The following TENM3 variants were observed in gnomAD, a reference collection of about 807,000 sequenced individuals.
TENM3 encodes teneurin-3.
A neutral mutation model predicts 255.1 loss-of-function variants in TENM3; 63 were observed. The ratio of observed to expected loss-of-function variants is 0.25; its 90% CI spans 0.20 to 0.30. The LOEUF is 0.30. TENM3 is among the 10% of genes least tolerant of loss of function. The pLI, the probability that TENM3 is intolerant of heterozygous loss-of-function variation, is 1.00. For missense variants in TENM3, 2,929 were observed against 3,461.1 expected, an observed-to-expected ratio of 0.85 and a Z score of 3.86; for synonymous variants, 1,306 against 1,322.3, an observed-to-expected ratio of 0.99 and a Z score of 0.27.
chr4:182,032,958 G>C, the TENM3 span, among the ~76,000 whole-genome samples: 1 of 150,190 alleles, frequency 6.7e-6, no homozygotes, highest in East Asian at 1.9e-4. Flanking sequence ...TCTAGCTAGA[G>C]TTCTATCTAT....
intron 1 of TENM3, among the ~76,000 whole-genome samples, chr4:182,200,470 A>G (rs17307378): frequency 0.054 from 8,259 of 152,294 alleles, 262 homozygotes; most frequent in Non-Finnish European, 0.069. Flanking sequence ...AGCTGGAATT[A>G]TTTTTAAAGT....
chr4:181,775,473 C>A, the TENM3 span, among the ~76,000 whole-genome samples: 1 of 151,996 alleles, frequency 6.6e-6, no homozygotes, highest in Non-Finnish European at 1.5e-5. Flanking sequence ...TGGTTGATAT[C>A]TTTTTGGATT....
rs76921744 is a variant in TENM3, at chr4:182,271,524, C to G, written c.-76+28048C>G. ...TTGTCACAGAAGAAGGGGACATGTCCTTGAAAATTATTTTGCCTAGTTTTC... is the reference window on the plus strand; with the variant it reads ...TTGTCACAGAAGAAGGGGACATGTCGTTGAAAATTATTTTGCCTAGTTTTC... On this transcript the variant is annotated intron_variant, in intron 1 of 27. Transcript: ENST00000511685. Among the ~76,000 whole-genome samples, 1,505 of 152,206 alleles carry G rather than the reference C, an allele frequency of 9.9e-3. 21 individuals are homozygous for G. The highest frequency in any genetic ancestry group is 0.034 in the African/African-American group (1,393 of 41,516).
At chr4:182,419,595 C>T (rs1405665220) in intron 3 of TENM3, among the ~76,000 whole-genome samples, 1 of 152,082 alleles carries the variant, frequency 6.6e-6, no homozygotes, top group Non-Finnish European at 1.5e-5. Context: ...GCACTATTCA[C>T]AATAGCAAAG....
At chr4:181,668,257 T>G in the TENM3 span, among the ~76,000 whole-genome samples, 5 of 152,218 alleles carry the variant, frequency 3.3e-5, no homozygotes, top group African/African-American at 1.2e-4. Context: ...CCTCCAACGT[T>G]GTTTCTACCC....
At chr4:182,060,651 A>G in the TENM3 span, among the ~76,000 whole-genome samples, 1 of 152,096 alleles carries the variant, frequency 6.6e-6, no homozygotes, top group African/African-American at 2.4e-5. Context: ...ACCTAAACAG[A>G]TTTTCTATAG....
chr4:182,750,972 A>G (rs1762327765), intron 19 of TENM3, among the ~76,000 whole-genome samples: 1 of 152,370 alleles, frequency 6.6e-6, no homozygotes, highest in East Asian at 1.9e-4. Flanking sequence ...ATGATACGTC[A>G]TAATTTGTCC....
chr4:181,758,023 A>G, the TENM3 span, among the ~76,000 whole-genome samples: 3 of 152,186 alleles, frequency 2.0e-5, no homozygotes, highest in Non-Finnish European at 4.4e-5. Context: ...CAAATATGAA[A>G]GGAGTAAATG....
At chr4:181,468,253 C>A in the TENM3 span, among the ~76,000 whole-genome samples, 106,746 of 151,970 alleles carry the variant, frequency 0.7, 37,849 homozygotes, top group Non-Finnish European at 0.74. Context: ...CAGCCTGGGC[C>A]ACAGAGTGAG....
At chr4:181,664,192 G>T in the TENM3 span, among the ~76,000 whole-genome samples, 1 of 152,186 alleles carries the variant, frequency 6.6e-6, no homozygotes, top group Non-Finnish European at 1.5e-5. Flanking sequence ...TACTGGCTGG[G>T]CGCAGTGGCT....
the TENM3 span, among the ~76,000 whole-genome samples, chr4:182,137,406 T>A: frequency 6.6e-6 from 1 of 151,796 alleles, no homozygotes; most frequent in African/African-American, 2.4e-5. Context: ...TTGGGTGAAA[T>A]TATCAGGCAA....
At chr4:181,743,640 T>G in the TENM3 span, among the ~76,000 whole-genome samples, 1 of 151,866 alleles carries the variant, frequency 6.6e-6, no homozygotes, top group South Asian at 2.1e-4. Flanking sequence ...GGCAGGAGTG[T>G]GGGCACCAGG....
the TENM3 span, among the ~76,000 whole-genome samples, chr4:181,823,056 G>A: frequency 3.3e-5 from 5 of 152,182 alleles, no homozygotes; most frequent in East Asian, 1.9e-4. Flanking sequence ...GATGAGAAGC[G>A]ATTAGCATTT....
At chr4:181,940,827 A>T in the TENM3 span, among the ~76,000 whole-genome samples, 1 of 152,214 alleles carries the variant, frequency 6.6e-6, no homozygotes, top group Admixed American at 6.5e-5. Context: ...GGGTAGAATT[A>T]GAGAAGTCTA....
chr4:182,594,204 G>T (rs1229745580), intron 3 of TENM3, among the ~76,000 whole-genome samples: 1 of 152,016 alleles, frequency 6.6e-6, no homozygotes, highest in Non-Finnish European at 1.5e-5. Context: ...TTTAGAGGCA[G>T]GGTCTTGCTG....
intron 1 of TENM3, among the ~76,000 whole-genome samples, chr4:182,246,655 T>C (rs1056761907): frequency 6.6e-6 from 1 of 152,200 alleles, no homozygotes; most frequent in Admixed American, 6.5e-5. Flanking sequence ...ACAAATGGGC[T>C]ATGTCTGCCA....
At chr4:182,297,515 G>A (rs898187029) in intron 1 of TENM3, among the ~76,000 whole-genome samples, 9 of 151,986 alleles carry the variant, frequency 5.9e-5, no homozygotes, top group South Asian at 2.1e-4. Context: ...TTCAGATTTC[G>A]TCTTCATTAC....
At chr4:181,537,272 G>A in the TENM3 span, among the ~76,000 whole-genome samples, 11 of 152,234 alleles carry the variant, frequency 7.2e-5, no homozygotes, top group Admixed American at 1.3e-4. Context: ...TTGCCATTAT[G>A]ACTGCAATTT....
chr4:182,606,971 G>A (rs926207637), intron 4 of TENM3, among the ~76,000 whole-genome samples: 22 of 152,096 alleles, frequency 1.4e-4, no homozygotes, highest in African/African-American at 5.3e-4. Context: ...TTAGAGACCT[G>A]GTTTGTAATC....
Sources: allele counts gnomAD v4.1 joint callset (sites outside exome capture counted in the v4.1 genomes callset), GRCh38; gene constraint gnomAD v4.1.1; transcripts MANE v1.5; gene names NCBI Gene and HGNC (gene_info 2026-07-23, HGNC 2026-07-21).